The following CYB5R3 variants were observed in gnomAD, a reference collection of about 807,000 sequenced individuals.
CYB5R3 encodes cytochrome b5 reductase 3, also known as NADH-cytochrome b5 reductase 3.
Under a neutral mutation model 36.5 loss-of-function variants are expected in CYB5R3, and 28 were observed. The ratio of observed to expected loss-of-function variants is 0.77; its 90% CI spans 0.57 to 1.05. CYB5R3 has a LOEUF of 1.05. Among genes scored for constraint, CYB5R3 ranks in the 50% least tolerant of loss-of-function variants. CYB5R3 has a pLI of 0.00. For missense variants in CYB5R3, 474 were observed against 408.9 expected (o/e 1.16, Z -1.37); for synonymous variants, 181 against 159.8 (o/e 1.13, Z -1.00).
At chr22:42,630,855 T>A in intron 4 of CYB5R3, 27 bp downstream of exon 4, 1 of 1,589,418 alleles carries the variant, frequency 6.3e-7, no homozygotes, top group South Asian at 1.1e-5. Flanking sequence ...CCACACCCCC[T>A]CCACAGTCAT....
intron 7 of CYB5R3, among the ~76,000 whole-genome samples, chr22:42,626,211 G>A (rs1928259505): frequency 6.6e-6 from 1 of 152,196 alleles, no homozygotes; most frequent in South Asian, 2.1e-4. Context: ...TCGGGAGGCT[G>A]AGGCAGGAGA....
At position 42,628,184 on chromosome 22, in the gene CYB5R3, C is replaced by A. The variant is rs756047846; in HGVS notation, c.431G>T (p.Gly144Val). Residue 144 changes from glycine to valine, a missense_variant, in exon 5 of 9, where the codon GGC becomes GTC. Physicochemically the swap from Gly to Val is moderately radical, Grantham distance 109. Transcript: ENST00000352397. ...CTGGTAGACCAGCAGCCCACTGGGG[C>A]CCCGGAACTCAATGGTGTCTCCAAT... ...MQIGDTIEFR[G>V]PSGLLVYQGK... 8 of 1,614,086 alleles carry A rather than the reference C, an allele frequency of 5.0e-6. No individual in the cohort carries two copies. In the Admixed American group the frequency reaches 1.2e-4, roughly 24 times the overall value.
At chr22:42,626,445 G>C (rs1928272162) in intron 7 of CYB5R3, among the ~76,000 whole-genome samples, 1 of 152,162 alleles carries the variant, frequency 6.6e-6, no homozygotes, top group Non-Finnish European at 1.5e-5. Flanking sequence ...CTCGCTACCA[G>C]CTGCAAAGAT....
chr22:42,640,537 T>A (rs1404472399), intron 1 of CYB5R3: 1 of 184,706 alleles, frequency 5.4e-6, no homozygotes, highest in Non-Finnish European at 1.1e-5. Flanking sequence ...CACCACCACG[T>A]CTGGCTAATT....
chr22:42,639,577 G>T (rs183513277), intron 1 of CYB5R3, among the ~76,000 whole-genome samples: 2 of 151,588 alleles, frequency 1.3e-5, no homozygotes, highest in African/African-American at 2.4e-5. Context: ...GCAGTGAGCC[G>T]AGATCATGCC....
chr22:42,627,473 G>C (rs1928340891), intron 6 of CYB5R3, 84 bp from the exon 7 acceptor site: 2 of 1,510,404 alleles, frequency 1.3e-6, no homozygotes, highest in Non-Finnish European at 9.2e-7. Flanking sequence ...CTGGGGTGGA[G>C]GGGCCAGGAC....
chr22:42,634,963 C>T (rs568757003), intron 2 of CYB5R3, among the ~76,000 whole-genome samples: 1 of 150,574 alleles, frequency 6.6e-6, no homozygotes, highest in Non-Finnish European at 1.5e-5. Context: ...TGCCACCACG[C>T]CCAGCTAATT....
chr22:42,625,948 T>C (rs34103809), intron 7 of CYB5R3, among the ~76,000 whole-genome samples: 2,490 of 152,330 alleles, frequency 0.016, 28 homozygotes, highest in Non-Finnish European at 0.025. Context: ...AGCTGTCCTA[T>C]GAAGCCAGAC....
chr22:42,639,411 T>G (rs866419572), intron 1 of CYB5R3, among the ~76,000 whole-genome samples: 1 of 151,552 alleles, frequency 6.6e-6, no homozygotes, highest in Admixed American at 6.6e-5. Flanking sequence ...GTGAATCACC[T>G]GAGGTCAGGA....
At chr22:42,645,539 A>G (rs6002850) in intron 1 of CYB5R3, among the ~76,000 whole-genome samples, 45,914 of 152,044 alleles carry the variant, frequency 0.3, 7,326 homozygotes, top group East Asian at 0.58. Flanking sequence ...CTGGGAGTCA[A>G]GCACTGCTCA....
chr22:42,626,137 C>T (rs1272922545), intron 7 of CYB5R3, among the ~76,000 whole-genome samples: 1 of 152,086 alleles, frequency 6.6e-6, no homozygotes, highest in Non-Finnish European at 1.5e-5. Flanking sequence ...GGTAAAACCC[C>T]ATCTCTACTA....
intron 2 of CYB5R3, among the ~76,000 whole-genome samples, chr22:42,634,726 C>A (rs6002832): frequency 7.7e-6 from 1 of 130,490 alleles, no homozygotes; most frequent in African/African-American, 3.1e-5. Flanking sequence ...CCCAGGTTCA[C>A]GCCATTCTCC....
rs781605975 is a variant in CYB5R3 at position 42,636,731 on chromosome 22, C to T, written c.137G>A (p.Arg46Gln). 39 of 1,612,688 alleles carry T rather than the reference C, an allele frequency of 2.4e-5. No individual in the cohort carries two copies. Among genetic ancestry groups the T allele is most frequent in the South Asian group, 1.1e-4 (10 of 91,034 alleles). The change falls in exon 2 of 9, where the codon CGG (arginine) becomes CAG (glutamine). Residue 46 changes from arginine to glutamine, a missense_variant. Arg to Gln is a conservative substitution (Grantham distance 43). Transcript: ENST00000352397. The part of the protein sequence containing the change: ...LESPDIKYPL[R>Q]LIDREIISHD... ...GGCACTCACCTCCCGGTCGATGAGC[C>T]GCAGCGGGTACTTGATGTCCGGGCT...
intron 4 of CYB5R3, among the ~76,000 whole-genome samples, chr22:42,629,249 T>A (rs1442485083): frequency 6.6e-6 from 1 of 152,146 alleles, no homozygotes; most frequent in African/African-American, 2.4e-5. Flanking sequence ...CTGGCCCCAC[T>A]GACCTCTCCC....
intron 8 of CYB5R3, among the ~76,000 whole-genome samples, chr22:42,622,831 G>A (rs544806148): frequency 6.6e-6 from 1 of 152,360 alleles, no homozygotes; most frequent in African/African-American, 2.4e-5. Flanking sequence ...GGTGCCGGAG[G>A]CAAAGCAGGG....
At chr22:42,630,689 G>C (rs7287662) in intron 4 of CYB5R3, among the ~76,000 whole-genome samples, 193 bp downstream of exon 4, 3 of 152,174 alleles carry the variant, frequency 2.0e-5, no homozygotes, top group Non-Finnish European at 1.5e-5. Flanking sequence ...TCCGGGCTGC[G>C]GGGGGACATG....
At position 42,641,452 on chromosome 22, in the gene CYB5R3, G is replaced by A. The variant is rs149380549; in HGVS notation, c.22-4606C>T. Among the ~76,000 whole-genome samples, 165 of 151,984 alleles carry A rather than the reference G, an allele frequency of 1.1e-3. 1 individual carries two copies. In the East Asian group the frequency reaches 0.021, roughly 19 times the overall value. On this transcript the variant is annotated intron_variant, in intron 1 of 8. Coordinates refer to ENST00000352397, the MANE Select transcript of CYB5R3 (RefSeq NM_000398.7). ...CTCCCAAGTAGCTGGGATTACAGGC[G>A]CACGCCACCACACTTGGCTAATTTT...
rs533737771 is a variant in CYB5R3 at position 42,643,743 on chromosome 22, C to T, written c.21+5552G>A. The stretch of plus-strand genomic sequence containing the variant: ...CACTCATCCCAGGCCTCCTTTAAGG[C>T]CCCAGTTGGCAGCTGTGGACTTGGG... On this transcript the variant is annotated intron_variant, in intron 1 of 8. Coordinates refer to ENST00000352397, the MANE Select transcript of CYB5R3 (RefSeq NM_000398.7). Among the ~76,000 whole-genome samples the T allele has an allele frequency of 2.0e-5, 3 of 152,266 alleles. No homozygotes were observed. In the South Asian group the frequency reaches 6.2e-4, roughly 32 times the overall value.
chr22:42,638,283 C>G (rs1929006894), intron 1 of CYB5R3, among the ~76,000 whole-genome samples: 1 of 150,798 alleles, frequency 6.6e-6, no homozygotes, highest in African/African-American at 2.4e-5. Flanking sequence ...GTAATCCCAG[C>G]TACTTGAGAG....
Sources: allele counts gnomAD v4.1 joint callset (sites outside exome capture counted in the v4.1 genomes callset), GRCh38; gene constraint gnomAD v4.1.1; transcripts MANE v1.5; gene names NCBI Gene and HGNC (gene_info 2026-07-23, HGNC 2026-07-21).